Variants in KIAA1958 observed in about 807,000 individuals in gnomAD.
The protein encoded by KIAA1958 is uncharacterized protein KIAA1958.
Under a neutral mutation model 47.2 loss-of-function variants are expected in KIAA1958, and 14 were observed. That is an observed-to-expected ratio of 0.30 (90% CI 0.20 to 0.46). KIAA1958 has a LOEUF of 0.46. KIAA1958 is among the 20% of genes least tolerant of loss of function. The probability of loss-of-function intolerance (pLI) is 1.00; values close to 1 mark genes in which losing one functional copy is unlikely to be tolerated. For missense variants in KIAA1958, 803 were observed against 909.2 expected, an observed-to-expected ratio of 0.88 and a Z score of 1.50; for synonymous variants, 354 against 353.3, an observed-to-expected ratio of 1.00 and a Z score of -0.02.
intron 3 of KIAA1958, among the ~76,000 whole-genome samples, chr9:112,653,117 T>C (rs542159599): frequency 6.6e-6 from 1 of 152,262 alleles, no homozygotes; most frequent in Non-Finnish European, 1.5e-5. Flanking sequence ...TGGGATCCCA[T>C]ATGAAAGAAT....
Position 112,662,105 on chromosome 9 carries a change from GT to G in KIAA1958, c.*2037del, listed in dbSNP as rs1421880150. 10 of 152,206 alleles carry G rather than the reference GT, an allele frequency of 6.6e-5. No individual in the cohort carries two copies. The East Asian group carries it at 1.9e-3, about 29-fold the overall frequency. 9.4% of individuals were successfully genotyped at this position (152,206 alleles called of 1,614,324 possible). A position where few individuals can be genotyped will look rare whatever the true frequency, so the allele number is the denominator to read the frequency against. On this transcript the variant is annotated 3_prime_UTR_variant, in exon 4 of 4. Coordinates refer to ENST00000337530, the MANE Select transcript of KIAA1958 (RefSeq NM_133465.4). ...GGTAGCAATAACTACTCCAGAGGTT[GT>G]AATCTTTCTGTTGGTAGTGGCTTTT...
rs1836441590 is a variant in KIAA1958 at position 112,618,402 on chromosome 9, G to A, written c.1172-27248G>A. On this transcript the variant is annotated intron_variant, in intron 2 of 3. Transcript: ENST00000337530. The surrounding 1 kb of genome is among the most constrained non-coding windows in gnomAD (Gnocchi z 7.1). ...TTCCATGGATCTACCTTAAAATGGG[G>A]TGATATCCGGCTCCGGGTAACAGAG... 1 of 1,551,114 alleles carries A rather than the reference G, an allele frequency of 6.4e-7. No homozygotes were observed. Among genetic ancestry groups the A allele is most frequent in the Non-Finnish European group, 8.7e-7 (1 of 1,147,140 alleles).
chr9:112,489,607 G>A (rs1229378317), intron 1 of KIAA1958, among the ~76,000 whole-genome samples: 1 of 151,678 alleles, frequency 6.6e-6, no homozygotes. Flanking sequence ...CTGGTAAGTT[G>A]GTGTTGAGGA....
At position 112,665,060 on chromosome 9, in the gene KIAA1958, A is replaced by G. The variant is rs1837335904; in HGVS notation, c.*4991A>G. On this transcript the variant is annotated 3_prime_UTR_variant, in exon 4 of 4. Coordinates refer to ENST00000337530, the MANE Select transcript of KIAA1958 (RefSeq NM_133465.4). ...TTATTATTTAGCTAAAACAACTTATATGGAAGTTAATTATTTCAGGAAATA... is the reference window on the plus strand; with the variant it reads ...TTATTATTTAGCTAAAACAACTTATGTGGAAGTTAATTATTTCAGGAAATA... 1 of 151,760 alleles carries G rather than the reference A, an allele frequency of 6.6e-6. No homozygotes were observed. Among genetic ancestry groups the G allele is most frequent in the Admixed American group, 6.6e-5 (1 of 15,230 alleles). The allele number at this position is 151,760 out of a possible 1,614,324, so 9.4% of individuals were successfully genotyped here. A position where few individuals can be genotyped will look rare whatever the true frequency, so the allele number is the denominator to read the frequency against.
intron 1 of KIAA1958, among the ~76,000 whole-genome samples, chr9:112,558,693 C>G (rs558598765): frequency 1.3e-5 from 2 of 152,300 alleles, no homozygotes; most frequent in African/African-American, 2.4e-5. Context: ...CATCTCTCAT[C>G]TGGAACAATT....
At chr9:112,506,252 C>G (rs1159501003) in intron 1 of KIAA1958, among the ~76,000 whole-genome samples, 2 of 152,098 alleles carry the variant, frequency 1.3e-5, no homozygotes, top group Non-Finnish European at 2.9e-5. Flanking sequence ...GTCAGGAGAT[C>G]GAGACCATTC....
At chr9:112,539,801 C>G in intron 1 of KIAA1958, among the ~76,000 whole-genome samples, 1 of 152,050 alleles carries the variant, frequency 6.6e-6, no homozygotes, top group Non-Finnish European at 1.5e-5. Context: ...AGTGATTCTC[C>G]TGCCTCAACC....
intron 1 of KIAA1958, among the ~76,000 whole-genome samples, chr9:112,573,803 A>G (rs1234874549): frequency 4.6e-5 from 7 of 152,120 alleles, no homozygotes; most frequent in African/African-American, 1.4e-4. Context: ...CCCCTTAGGC[A>G]GGAATTATTA....
intron 2 of KIAA1958, among the ~76,000 whole-genome samples, chr9:112,630,522 G>A (rs1836692338): frequency 6.6e-6 from 1 of 152,052 alleles, no homozygotes; most frequent in South Asian, 2.1e-4. Context: ...ACCAAGCTAA[G>A]GAGATACCGT....
chr9:112,555,070 C>T (rs1035959438), intron 1 of KIAA1958, among the ~76,000 whole-genome samples: 2 of 152,204 alleles, frequency 1.3e-5, no homozygotes, highest in Non-Finnish European at 2.9e-5. Context: ...GAGCACCTAA[C>T]ACAAGTCAAA....
At chr9:112,641,567 A>G (rs1836892356) in intron 2 of KIAA1958, among the ~76,000 whole-genome samples, 1 of 151,600 alleles carries the variant, frequency 6.6e-6, no homozygotes, top group South Asian at 2.1e-4. Flanking sequence ...CTAAAGTTTC[A>G]AATCTTTCTT....
chr9:112,499,721 C>T (rs1220555349), intron 1 of KIAA1958, among the ~76,000 whole-genome samples: 14 of 141,986 alleles, frequency 9.9e-5, no homozygotes, highest in Non-Finnish European at 1.7e-4. Flanking sequence ...CAGAGTTTCG[C>T]TCTGTCATCC....
chr9:112,562,381 G>C (rs1341901101), intron 1 of KIAA1958, among the ~76,000 whole-genome samples: 1 of 152,178 alleles, frequency 6.6e-6, no homozygotes, highest in African/African-American at 2.4e-5. Context: ...GCCAGAACTA[G>C]GATTTAAACC....
At chr9:112,627,385 G>T (rs1836635053) in intron 2 of KIAA1958, among the ~76,000 whole-genome samples, 1 of 152,194 alleles carries the variant, frequency 6.6e-6, no homozygotes, top group African/African-American at 2.4e-5. Context: ...GCTGAACAGT[G>T]TAATAGCAGA....
chr9:112,596,718 C>A (rs768249762), intron 2 of KIAA1958, among the ~76,000 whole-genome samples: 4 of 152,212 alleles, frequency 2.6e-5, no homozygotes, highest in Non-Finnish European at 5.9e-5. Context: ...AATAGCCTAA[C>A]TCAGAAGAGA....
intron 1 of KIAA1958, among the ~76,000 whole-genome samples, chr9:112,507,578 G>A (rs1455001097): frequency 6.6e-6 from 1 of 151,984 alleles, no homozygotes; most frequent in Non-Finnish European, 1.5e-5. Context: ...TGAATTCCTG[G>A]CCTCAAGTGA....
chr9:112,602,633 A>T (rs1251571798), intron 2 of KIAA1958, among the ~76,000 whole-genome samples: 1 of 152,136 alleles, frequency 6.6e-6, no homozygotes, highest in East Asian at 1.9e-4. Flanking sequence ...TGTTAGTAAG[A>T]TAAAGATATT....
chr9:112,527,773 C>CA (rs1834683303), intron 1 of KIAA1958, among the ~76,000 whole-genome samples: 1 of 151,812 alleles, frequency 6.6e-6, no homozygotes, highest in Middle Eastern at 3.4e-3. Context: ...CCCATCTCTA[C>CA]AAAAAATACA....
chr9:112,501,542 C>G (rs772637011), intron 1 of KIAA1958, among the ~76,000 whole-genome samples: 1 of 152,178 alleles, frequency 6.6e-6, no homozygotes, highest in Non-Finnish European at 1.5e-5. Flanking sequence ...AGGCCTCTTT[C>G]AATCAAGTCT....
Sources: gnomAD v4.1 joint callset for allele counts (sites outside exome capture counted in the v4.1 genomes callset) on GRCh38, gnomAD v4.1.1 for gene constraint, Gnocchi (gnomAD v3.1) non-coding constraint, MANE v1.5 for transcripts, NCBI Gene and HGNC (gene_info 2026-07-23, HGNC 2026-07-21) for gene names.